Variants in SYF2 observed in about 807,000 individuals in gnomAD.
SYF2 encodes the protein SYF2 pre-mRNA splicing factor.
In SYF2, 21 loss-of-function variants were observed where a neutral mutation model predicts 32.7. That is an observed-to-expected ratio of 0.64 (90% CI 0.45 to 0.92). The LOEUF (loss-of-function observed/expected upper bound fraction) is 0.92. Among genes scored for constraint, SYF2 ranks in the 40% least tolerant of loss-of-function variants. SYF2 has a pLI of 0.00. For synonymous variants in SYF2, 114 were observed against 103.9 expected (o/e 1.10, Z -0.59); for missense variants, 278 against 296.5 (o/e 0.94, Z 0.46).
rs771119272 is a variant in SYF2 at position 25,223,297 on chromosome 1, T to C, written c.701A>G (p.Lys234Arg). 3 of 1,613,658 alleles carry C rather than the reference T, an allele frequency of 1.9e-6. No homozygotes were observed. In the Admixed American group the frequency reaches 5.0e-5, roughly 27 times the overall value. Residue 234 changes from lysine to arginine, a missense_variant, in exon 7 of 7, where the codon AAA becomes AGA. Lys to Arg is a conservative substitution (Grantham distance 26, BLOSUM62 2). Transcript: ENST00000236273. Reference sequence around the variant, plus strand: ...AGCTGTTCCTCTTTCCAAATTCTGTTTAATTTCAGCTGTGTATTTCCCATA... The same window carrying C: ...AGCTGTTCCTCTTTCCAAATTCTGTCTAATTTCAGCTGTGTATTTCCCATA... ...RFYGKYTAEI[K>R]QNLERGTAV
intron 2 of SYF2, chr1:25,231,781 A>G (rs1196656015): frequency 2.4e-5 from 10 of 423,984 alleles, no homozygotes; most frequent in Middle Eastern, 6.9e-4. Flanking sequence ...CTAGCTCTAC[A>G]TATTTCCCTA....
intron 5 of SYF2, among the ~76,000 whole-genome samples, 158 bp downstream of exon 5, chr1:25,227,284 C>T (rs777436750): frequency 2.6e-4 from 39 of 152,274 alleles, no homozygotes; most frequent in Middle Eastern, 3.4e-3. Flanking sequence ...AAGACTCCAT[C>T]TCAAAGGAAA....
chr1:25,224,767 A>G (rs1470364137), intron 6 of SYF2, among the ~76,000 whole-genome samples: 1 of 152,202 alleles, frequency 6.6e-6, no homozygotes, highest in East Asian at 1.9e-4. Flanking sequence ...TTTCCCCTTC[A>G]ATATTAACAA....
At position 25,228,164 on chromosome 1, in the gene SYF2, T is replaced by G. The variant is rs1465951978; in HGVS notation, c.330A>C (p.Arg110Ser). Residue 110 changes from arginine to serine, a missense_variant, in exon 4 of 7, where the codon AGA becomes AGC. Physicochemically the swap from Arg to Ser is moderately radical, Grantham distance 110. Transcript: ENST00000236273. Reference sequence around the variant, plus strand: ...TTTTCCTCTTCTTTTTCCTCTCCCATCTTTCTGCATCTTCTGCACTGATCT... The same window carrying G: ...TTTTCCTCTTCTTTTTCCTCTCCCAGCTTTCTGCATCTTCTGCACTGATCT... Reference protein sequence around the residue: ...LLEISAEDAERWERKKKRKNP... With the variant: ...LLEISAEDAESWERKKKRKNP... The G allele has an allele frequency of 6.2e-7, 1 of 1,613,824 alleles. No individual in the cohort carries two copies. The highest frequency in any genetic ancestry group is 1.7e-5 in the Admixed American group (1 of 59,988).
In SYF2 at chr1:25,223,370, A is replaced by C. The variant is rs201374661; in HGVS notation, c.628T>G (p.Tyr210Asp). 2.5e-6 allele frequency: 4 copies of C among 1,613,992 alleles called. No homozygotes were observed. Among genetic ancestry groups the C allele is most frequent in the Non-Finnish European group, 3.4e-6 (4 of 1,179,968 alleles). Reference sequence around the variant, plus strand: ...AATTTGGCATTCCTTTCATTAATGTAGTCGATATCTGCATCATCATTATAA... The same window carrying C: ...AATTTGGCATTCCTTTCATTAATGTCGTCGATATCTGCATCATCATTATAA... ...RPYNDDADIDYINERNAKFNK... is the reference protein window; with the variant it reads ...RPYNDDADIDDINERNAKFNK... The change falls in exon 7 of 7, where the codon TAC becomes GAC. Residue 210 changes from tyrosine (Y) to aspartate (D), a missense_variant. Transcript: ENST00000236273.
At chr1:25,225,521 C>T (rs1216054343) in intron 5 of SYF2, among the ~76,000 whole-genome samples, 3 of 150,252 alleles carry the variant, frequency 2.0e-5, no homozygotes, top group Admixed American at 1.3e-4. Context: ...AAGTAAGACT[C>T]CGTCTCAAAA....
At chr1:25,228,886 T>G in intron 3 of SYF2, 112 bp downstream of exon 3, 5 of 1,335,908 alleles carry the variant, frequency 3.7e-6, no homozygotes, top group South Asian at 1.5e-5. Flanking sequence ...AGCCAGAATT[T>G]CAATTCTGGC....
chr1:25,224,313 T>C (rs1638464960), intron 6 of SYF2, among the ~76,000 whole-genome samples: 1 of 152,140 alleles, frequency 6.6e-6, no homozygotes, highest in Non-Finnish European at 1.5e-5. Context: ...TGGAGTGCAG[T>C]GATGCAATCA....
intron 4 of SYF2, 71 bp from the exon 5 acceptor site, chr1:25,227,603 TAA>T: frequency 7.3e-7 from 1 of 1,369,752 alleles, no homozygotes; most frequent in South Asian, 1.3e-5. Flanking sequence ...GAGAAAAATC[TAA>T]ATTATCACAG....
chr1:25,223,257 T>C lies in SYF2; in HGVS notation c.*9A>G, dbSNP rs1398445797. 2.5e-6 allele frequency: 4 copies of C among 1,607,952 alleles called. No individual in the cohort carries two copies. Among genetic ancestry groups the C allele is most frequent in the Non-Finnish European group, 3.4e-6 (4 of 1,178,178 alleles). ...ATTCTCAAGCTTCTATAAACAGTTC[T>C]TGAAGGGATTAGACAGCTGTTCCTC... On this transcript the variant is annotated 3_prime_UTR_variant, in exon 7 of 7. Coordinates refer to ENST00000236273, the MANE Select transcript of SYF2 (RefSeq NM_015484.5).
intron 1 of SYF2, 33 bp from the exon 2 acceptor site, chr1:25,232,244 C>T: frequency 6.3e-7 from 1 of 1,598,078 alleles, no homozygotes. Context: ...CAGGCAGAGC[C>T]GGCTCAGCTT....
At chr1:25,230,502 A>T (rs1638604793) in intron 2 of SYF2, 1 of 152,162 alleles carries the variant, frequency 6.6e-6, no homozygotes, top group Non-Finnish European at 1.5e-5. Context: ...ATATTTAAGC[A>T]TGTCTTTTTA....
intron 5 of SYF2, among the ~76,000 whole-genome samples, 183 bp downstream of exon 5, chr1:25,227,259 C>G (rs939871844): frequency 3.3e-5 from 5 of 152,120 alleles, no homozygotes; most frequent in Non-Finnish European, 7.3e-5. Context: ...TGCACTCCAG[C>G]CTGGGTGAGA....
At chr1:25,228,299 C>T (rs907340907) in intron 3 of SYF2, 64 bp from the exon 4 acceptor site, 1 of 1,320,606 alleles carries the variant, frequency 7.6e-7, no homozygotes. Flanking sequence ...ATCTACTTTA[C>T]ATCAAGAAAG....
chr1:25,223,499 A>G lies in SYF2; in HGVS notation c.567-68T>C, dbSNP rs1638448203. 11 of 1,476,178 alleles carry G rather than the reference A, an allele frequency of 7.5e-6. No individual in the cohort carries two copies. In the South Asian group the frequency reaches 7.5e-5, roughly 10 times the overall value. 91.4% of individuals were successfully genotyped at this position (1,476,178 alleles called of 1,614,324 possible). A position where few individuals can be genotyped will look rare whatever the true frequency, so the allele number is the denominator to read the frequency against. On this transcript the variant is annotated intron_variant, in intron 6 of 6. Transcript: ENST00000236273. Reference sequence around the variant, plus strand: ...CTTTTGATCTTAATAAAACACAACCAAACAGGAATATAATCACGTTTAGAA... The same window carrying G: ...CTTTTGATCTTAATAAAACACAACCGAACAGGAATATAATCACGTTTAGAA...
In SYF2 at chr1:25,223,180, A is replaced by G. The variant is rs754962494; in HGVS notation, c.*86T>C. ...GGCATGGACTACTAAATTCTGGATT[A>G]CTGATAAAATTTCAAAAAGAACTTG... is the stretch of plus-strand genomic sequence containing the variant. On this transcript the variant is annotated 3_prime_UTR_variant, in exon 7 of 7. Transcript: ENST00000236273. 148 of 1,334,946 alleles carry G rather than the reference A, an allele frequency of 1.1e-4. No individual in the cohort carries two copies. The highest frequency in any genetic ancestry group is 1.5e-4 in the Non-Finnish European group (147 of 974,990). 82.7% of individuals were successfully genotyped at this position (1,334,946 alleles called of 1,614,324 possible). A position where few individuals can be genotyped will look rare whatever the true frequency, so the allele number is the denominator to read the frequency against.
chr1:25,231,516 C>A (rs979454482), intron 2 of SYF2: 1 of 154,556 alleles, frequency 6.5e-6, no homozygotes, highest in African/African-American at 2.4e-5. Context: ...TGGAGACCCA[C>A]AAACTGCATT....
chr1:25,227,632 C>T, intron 4 of SYF2, 100 bp from the exon 5 acceptor site: 1 of 1,053,660 alleles, frequency 9.5e-7, no homozygotes, highest in Non-Finnish European at 1.4e-6. Context: ...ATCTTTTATC[C>T]AAAACGCTTG....
At chr1:25,225,586 G>A (rs539161342) in intron 5 of SYF2, among the ~76,000 whole-genome samples, 106 of 152,046 alleles carry the variant, frequency 7.0e-4, no homozygotes, top group African/African-American at 2.0e-3. Context: ...GAGGCCAGGC[G>A]CAGTGGCTCA....
Sources: gnomAD v4.1 joint callset for allele counts (sites outside exome capture counted in the v4.1 genomes callset) on GRCh38, gnomAD v4.1.1 for gene constraint, MANE v1.5 for transcripts, NCBI Gene and HGNC (gene_info 2026-07-23, HGNC 2026-07-21) for gene names.